The following MCF2L2 variants were observed in gnomAD, a reference collection of about 807,000 sequenced individuals.
The protein encoded by MCF2L2 is probable guanine nucleotide exchange factor MCF2L2.
A neutral mutation model predicts 150.2 loss-of-function variants in MCF2L2; 102 were observed. That is an observed-to-expected ratio of 0.68 (90% CI 0.58 to 0.80). The LOEUF (loss-of-function observed/expected upper bound fraction) is 0.80. Ranked by LOEUF, MCF2L2 falls within the 30% of genes least tolerant of loss-of-function variation. MCF2L2 has a pLI of 0.00. For missense variants in MCF2L2, 1,256 were observed against 1,372.8 expected (o/e 0.91, Z 1.34); for synonymous variants, 465 against 491.3 (o/e 0.95, Z 0.71).
chr3:183,289,701 C>A (rs986421770), intron 13 of MCF2L2, among the ~76,000 whole-genome samples: 7 of 152,118 alleles, frequency 4.6e-5, no homozygotes, highest in African/African-American at 1.7e-4. Flanking sequence ...ATTAAAAATA[C>A]AAAAATTATC....
At chr3:183,184,057 G>A (rs764728945) in intron 27 of MCF2L2, among the ~76,000 whole-genome samples, 6 of 152,072 alleles carry the variant, frequency 3.9e-5, no homozygotes, top group East Asian at 1.9e-4. Context: ...TCGCTCTGTC[G>A]CCCAGGCTGG....
At chr3:183,297,642 C>CCCTTCCTTCCTTCCTTT (rs1728596410) in intron 11 of MCF2L2, 1 of 146,118 alleles carries the variant, frequency 6.8e-6, no homozygotes, top group Non-Finnish European at 1.5e-5. Context: ...CTTCCTTCCT[C>CCCTTCCTTCCTTCCTTT]CCTTCCTTCC....
At chr3:183,400,034 T>C (rs954087086) in intron 1 of MCF2L2, among the ~76,000 whole-genome samples, 3 of 152,232 alleles carry the variant, frequency 2.0e-5, no homozygotes, top group African/African-American at 7.2e-5. Context: ...CACATATATG[T>C]ATGTGCAGAC....
At chr3:183,193,187 G>T in intron 26 of MCF2L2, 91 bp from the exon 27 acceptor site, 1 of 1,037,342 alleles carries the variant, frequency 9.6e-7, no homozygotes, top group Non-Finnish European at 1.5e-6. Flanking sequence ...GGCCCACCTA[G>T]TGTATCTCTG....
intron 15 of MCF2L2, among the ~76,000 whole-genome samples, chr3:183,247,376 G>A (rs1724306002): frequency 6.6e-6 from 1 of 152,208 alleles, no homozygotes; most frequent in African/African-American, 2.4e-5. Context: ...GAATGTGGCT[G>A]AAATCTCAAC....
At chr3:183,280,221 C>A (rs1386012924) in intron 14 of MCF2L2, among the ~76,000 whole-genome samples, 1 of 152,046 alleles carries the variant, frequency 6.6e-6, no homozygotes, top group Non-Finnish European at 1.5e-5. Context: ...TTACATCTTT[C>A]CAAAACACTT....
chr3:183,405,754 T>C (rs1430803734), intron 1 of MCF2L2, among the ~76,000 whole-genome samples: 1 of 152,194 alleles, frequency 6.6e-6, no homozygotes, highest in Non-Finnish European at 1.5e-5. Context: ...TCTCACTCTG[T>C]CGCCCAGTTG....
intron 6 of MCF2L2, among the ~76,000 whole-genome samples, chr3:183,320,801 C>G (rs1403226510): frequency 6.6e-6 from 1 of 152,210 alleles, no homozygotes; most frequent in Non-Finnish European, 1.5e-5. Context: ...GCTAAGAGGT[C>G]TAGCTTTCTG....
rs370706680 is a variant in MCF2L2 at position 183,217,857 on chromosome 3, C to T, written c.2371-1763G>A. Among the ~76,000 whole-genome samples the T allele has an allele frequency of 2.0e-5, 3 of 152,260 alleles. No homozygotes were observed. The South Asian group carries it at 6.2e-4, about 32-fold the overall frequency. ...GTAACTAATTAAAGAGACCAATGTT[C>T]CAATTACAACCACAGTGACATTTAG... On this transcript the variant is annotated intron_variant, in intron 21 of 29. Coordinates refer to ENST00000328913, the MANE Select transcript of MCF2L2 (RefSeq NM_015078.4).
intron 18 of MCF2L2, chr3:183,225,863 A>G (rs1489504078): frequency 6.6e-6 from 1 of 152,258 alleles, no homozygotes; most frequent in Non-Finnish European, 1.5e-5. Context: ...ACAACTGTAC[A>G]TATTGGTACT....
At chr3:183,379,250 G>A in intron 3 of MCF2L2, 47 bp downstream of exon 3, 6 of 1,407,902 alleles carry the variant, frequency 4.3e-6, no homozygotes, top group Non-Finnish European at 5.9e-6. Flanking sequence ...TGGGAAGTGT[G>A]GAATAAAGCC....
intron 14 of MCF2L2, among the ~76,000 whole-genome samples, chr3:183,284,673 G>A (rs1727690526): frequency 6.6e-6 from 1 of 151,526 alleles, no homozygotes; most frequent in Non-Finnish European, 1.5e-5. Flanking sequence ...TGGCACTCCA[G>A]CTTGGGCAAC....
intron 2 of MCF2L2, among the ~76,000 whole-genome samples, chr3:183,387,931 C>CAAAAAAAAAAAAAAAAAAAAAAAA (rs61024469): frequency 1.4e-5 from 1 of 72,402 alleles, no homozygotes; most frequent in Non-Finnish European, 2.5e-5. Context: ...GACTCCATCT[C>CAAAAAAAAAAAAAAAAAAAAAAAA]AAAAAAAAAA....
chr3:183,423,411 C>T (rs1016106664), intron 1 of MCF2L2, among the ~76,000 whole-genome samples: 4 of 152,112 alleles, frequency 2.6e-5, no homozygotes, highest in South Asian at 2.1e-4. Context: ...GCCACCAATC[C>T]GATCTCCAAT....
At chr3:183,402,839 T>C (rs1281524469) in intron 1 of MCF2L2, among the ~76,000 whole-genome samples, 1 of 151,236 alleles carries the variant, frequency 6.6e-6, no homozygotes, top group Non-Finnish European at 1.5e-5. Flanking sequence ...CCGAGGAAAC[T>C]GAGTCTCGCC....
chr3:183,411,125 C>A (rs1715296491), intron 1 of MCF2L2, among the ~76,000 whole-genome samples: 1 of 152,154 alleles, frequency 6.6e-6, no homozygotes, highest in South Asian at 2.1e-4. Flanking sequence ...CACTTACCAG[C>A]AAGATGCTCC....
intron 14 of MCF2L2, among the ~76,000 whole-genome samples, chr3:183,284,202 A>C (rs1251415059): frequency 6.6e-6 from 1 of 152,186 alleles, no homozygotes; most frequent in East Asian, 1.9e-4. Flanking sequence ...AGCTCCCTCA[A>C]CAAAAATACA....
chr3:183,269,015 A>T (rs565803284), intron 15 of MCF2L2, among the ~76,000 whole-genome samples: 9 of 151,350 alleles, frequency 5.9e-5, no homozygotes, highest in East Asian at 3.9e-4. Context: ...ACCTTAATTT[A>T]AAAAAAAAGA....
At chr3:183,310,241 C>T (rs1729301681) in intron 9 of MCF2L2, among the ~76,000 whole-genome samples, 1 of 151,986 alleles carries the variant, frequency 6.6e-6, no homozygotes, top group Non-Finnish European at 1.5e-5. Context: ...GTGGCTCACG[C>T]CTGTAATCCC....
Sources: allele counts gnomAD v4.1 joint callset (sites outside exome capture counted in the v4.1 genomes callset), GRCh38; gene constraint gnomAD v4.1.1; transcripts MANE v1.5; gene names NCBI Gene and HGNC (gene_info 2026-07-23, HGNC 2026-07-21).